Variants in AQP11 observed in about 807,000 individuals in gnomAD.
AQP11 encodes aquaporin-11.
Under a neutral mutation model 21.1 loss-of-function variants are expected in AQP11, and 20 were observed. That is an observed-to-expected ratio of 0.95 (90% CI 0.67 to 1.38). The LOEUF (loss-of-function observed/expected upper bound fraction) is 1.38, where lower values mean the gene tolerates loss of function less well. AQP11 is among the 40% of genes most tolerant of loss of function. The pLI is 0.00. For missense variants in AQP11, 339 were observed against 340.4 expected, an observed-to-expected ratio of 1.00 and a Z score of 0.03; for synonymous variants, 167 against 150.1, an observed-to-expected ratio of 1.11 and a Z score of -0.82.
intron 1 of AQP11, among the ~76,000 whole-genome samples, chr11:77,601,745 G>A (rs11237236): frequency 0.17 from 25,252 of 152,160 alleles, 2,579 homozygotes; most frequent in Non-Finnish European, 0.24. Context: ...GCTGACCAGT[G>A]GTGAGGCTGG....
intron 1 of AQP11, among the ~76,000 whole-genome samples, chr11:77,596,537 A>AATATATATGTATATATATATATATAT: frequency 1.2e-5 from 1 of 86,576 alleles, no homozygotes; most frequent in Non-Finnish European, 2.3e-5. Context: ...TATATATGTA[A>AATATATATGTATATATATATATATAT]ATATATATAT....
chr11:77,600,809 G>A (rs1158810915), intron 1 of AQP11, among the ~76,000 whole-genome samples: 3 of 152,054 alleles, frequency 2.0e-5, no homozygotes, highest in African/African-American at 7.2e-5. Context: ...TCAGGAGATC[G>A]AGACCATCCC....
At position 77,609,909 on chromosome 11, in the gene AQP11, C is replaced by T. The variant is rs1224441201; in HGVS notation, c.*532C>T. The T allele has an allele frequency of 3.3e-5, 5 of 152,158 alleles. No homozygotes were observed. The highest frequency in any genetic ancestry group is 2.1e-4 in the South Asian group (1 of 4,820). 9.4% of individuals were successfully genotyped at this position (152,158 alleles called of 1,614,324 possible). On this transcript the variant is annotated 3_prime_UTR_variant, in exon 3 of 3. Transcript: ENST00000313578. Reference sequence around the variant, plus strand: ...GAATATATATTCACTCACATGCAAGCGATTTCCTACATTTTAAGTACATTA... The same window carrying T: ...GAATATATATTCACTCACATGCAAGTGATTTCCTACATTTTAAGTACATTA...
intron 1 of AQP11, among the ~76,000 whole-genome samples, chr11:77,602,154 C>CA (rs1958818959): frequency 6.6e-6 from 1 of 152,134 alleles, no homozygotes; most frequent in Admixed American, 6.6e-5. Flanking sequence ...TTTAGGATGG[C>CA]ATAAGACTGA....
At chr11:77,600,286 A>G (rs2135748285) in intron 1 of AQP11, among the ~76,000 whole-genome samples, 1 of 152,148 alleles carries the variant, frequency 6.6e-6, no homozygotes, top group South Asian at 2.1e-4. Flanking sequence ...ACATATTATT[A>G]TATATATTAT....
At position 77,609,623 on chromosome 11, in the gene AQP11, T is replaced by A. The variant is rs1958866183; in HGVS notation, c.*246T>A. On this transcript the variant is annotated 3_prime_UTR_variant, in exon 3 of 3. Coordinates refer to ENST00000313578, the MANE Select transcript of AQP11 (RefSeq NM_173039.3). ...ATTAAATGCTGCTAGAAAAGCCTCATTACATTAAATATAAATCAATCTTAA... is the reference window on the plus strand; with the variant it reads ...ATTAAATGCTGCTAGAAAAGCCTCAATACATTAAATATAAATCAATCTTAA... 3.1e-6 allele frequency: 1 copy of A among 325,654 alleles called. No homozygotes were observed. Among genetic ancestry groups the A allele is most frequent in the South Asian group, 1.4e-4 (1 of 7,252 alleles). 20.2% of individuals were successfully genotyped at this position (325,654 alleles called of 1,614,324 possible).
intron 2 of AQP11, among the ~76,000 whole-genome samples, chr11:77,604,384 T>A (rs2135750589): frequency 6.6e-6 from 1 of 152,334 alleles, no homozygotes; most frequent in South Asian, 2.1e-4. Context: ...TAAAGATGGG[T>A]CAAATAACAC....
At chr11:77,598,288 A>G (rs1958795212) in intron 1 of AQP11, among the ~76,000 whole-genome samples, 1 of 152,206 alleles carries the variant, frequency 6.6e-6, no homozygotes, top group Non-Finnish European at 1.5e-5. Context: ...CTTTAGGAAT[A>G]TTGAGAAACT....
chr11:77,590,486 A>C lies in AQP11; in HGVS notation c.494A>C (p.Lys165Thr). 1 of 1,614,124 alleles carries C rather than the reference A, an allele frequency of 6.2e-7. No individual in the cohort carries two copies. Among genetic ancestry groups the C allele is most frequent in the Non-Finnish European group, 8.5e-7 (1 of 1,180,026 alleles). ...AATCCCATCCGAGTCGACTTGCTCA[A>C]AGCGGTCATCACAGAGGCCGTCTGC... Reference protein sequence around the residue: ...CKNPIRVDLLKAVITEAVCSF... With the variant: ...CKNPIRVDLLTAVITEAVCSF... The change falls in exon 1 of 3, where the codon AAA becomes ACA. Residue 165 changes from lysine (K) to threonine (T), a missense_variant. By Grantham distance (78) the Lys-to-Thr change is moderately conservative (BLOSUM62 -1). Coordinates refer to ENST00000313578, the MANE Select transcript of AQP11 (RefSeq NM_173039.3).
At chr11:77,604,126 T>C (rs542298590) in intron 2 of AQP11, among the ~76,000 whole-genome samples, 2 of 152,334 alleles carry the variant, frequency 1.3e-5, no homozygotes, top group South Asian at 4.2e-4. Flanking sequence ...TTTTGTTTTT[T>C]TTCGAGACAG....
At position 77,605,202 on chromosome 11, in the gene AQP11, G is replaced by A. The variant is rs559507385; in HGVS notation, c.736+1530G>A. Among the ~76,000 whole-genome samples, 32 of 152,236 alleles carry A rather than the reference G, an allele frequency of 2.1e-4. No individual in the cohort carries two copies. The South Asian group carries it at 6.0e-3, about 29-fold the overall frequency. On this transcript the variant is annotated intron_variant, in intron 2 of 2. Transcript: ENST00000313578. ...AGCGAGACTCCATCTCAAAAAATCC[G>A]TTTTTAAATTTTAAAGTTAAAAAGG...
At chr11:77,594,160 T>C (rs1958765011) in intron 1 of AQP11, among the ~76,000 whole-genome samples, 1 of 152,212 alleles carries the variant, frequency 6.6e-6, no homozygotes, top group Admixed American at 6.6e-5. Flanking sequence ...GCATGGTGAA[T>C]GTAACACCAA....
At chr11:77,591,130 T>A in intron 1 of AQP11, 1 of 969,442 alleles carries the variant, frequency 1.0e-6, no homozygotes, top group Non-Finnish European at 1.2e-6. Context: ...AATAATTCAT[T>A]TTGAGTTATG....
intron 1 of AQP11, among the ~76,000 whole-genome samples, chr11:77,594,252 T>A (rs1958765669): frequency 1.3e-5 from 2 of 152,212 alleles, no homozygotes; most frequent in South Asian, 4.1e-4. Flanking sequence ...AATTTTTAAG[T>A]TACAAAATGA....
chr11:77,595,460 C>T (rs140366732), intron 1 of AQP11, among the ~76,000 whole-genome samples: 194 of 152,314 alleles, frequency 1.3e-3, no homozygotes, highest in African/African-American at 4.4e-3. Flanking sequence ...GACACAATGC[C>T]TGTTTTCCTC....
chr11:77,596,218 G>C (rs1007607018), intron 1 of AQP11, among the ~76,000 whole-genome samples: 1 of 151,560 alleles, frequency 6.6e-6, no homozygotes, highest in South Asian at 2.1e-4. Flanking sequence ...ATTCATTATC[G>C]TCACTACTCT....
chr11:77,591,989 G>C (rs1958751613), intron 1 of AQP11, among the ~76,000 whole-genome samples: 1 of 152,194 alleles, frequency 6.6e-6, no homozygotes, highest in Non-Finnish European at 1.5e-5. Flanking sequence ...AAGGGGGCCG[G>C]GCACGGTGGC....
intron 2 of AQP11, among the ~76,000 whole-genome samples, chr11:77,606,415 C>G (rs1958846812): frequency 6.6e-6 from 1 of 152,140 alleles, no homozygotes; most frequent in African/African-American, 2.4e-5. Flanking sequence ...TGACTATATT[C>G]TCTTCATGTT....
chr11:77,590,219 C>T lies in AQP11; in HGVS notation c.227C>T (p.Thr76Ile), dbSNP rs1477214371. Residue 76 changes from threonine (T) to isoleucine (I), a missense_variant, in exon 1 of 3, where the codon ACC (threonine) becomes ATC (isoleucine). Physicochemically the swap from Thr to Ile is moderately conservative, Grantham distance 89. Coordinates refer to ENST00000313578, the MANE Select transcript of AQP11 (RefSeq NM_173039.3). ...AGCGAACAGCACCCCGCGCACCCCA[C>T]CTGGACGCTGACGCTCGTCTACTTC... Reference protein sequence around the residue: ...LLSEQHPAHPTWTLTLVYFFS... With the variant: ...LLSEQHPAHPIWTLTLVYFFS... The T allele has an allele frequency of 1.9e-6, 3 of 1,593,934 alleles. No homozygotes were observed. The highest frequency in any genetic ancestry group is 1.7e-4 in the Middle Eastern group (1 of 5,924).
Sources: gnomAD v4.1 joint callset for allele counts (sites outside exome capture counted in the v4.1 genomes callset) on GRCh38, gnomAD v4.1.1 for gene constraint, MANE v1.5 for transcripts, NCBI Gene and HGNC (gene_info 2026-07-23, HGNC 2026-07-21) for gene names.